MID1: variants seen among roughly 807,000 people sequenced by gnomAD.
MID1 encodes the protein midline 1, also known as E3 ubiquitin-protein ligase Midline-1.
Under a neutral mutation model 40.4 loss-of-function variants are expected in MID1, and 7 were observed. The observed-to-expected ratio is 0.17, with a 90% CI of 0.10 to 0.33. The LOEUF is 0.33. MID1 is among the 10% of genes least tolerant of loss of function. MID1 has a pLI of 1.00. For missense variants in MID1, 367 were observed against 558.5 expected, an observed-to-expected ratio of 0.66 and a Z score of 3.46; for synonymous variants, 229 against 221.2, an observed-to-expected ratio of 1.04 and a Z score of -0.31.
intron 1 of MID1, among the ~76,000 whole-genome samples, chrX:10,576,205 G>A (rs1395793712): frequency 2.7e-5 from 3 of 111,360 alleles, no homozygotes; most frequent in Non-Finnish European, 3.8e-5. Context: ...CCCACCTGGT[G>A]GAATTCATGC....
At chrX:10,568,813 C>A (rs1414985384) in intron 1 of MID1, among the ~76,000 whole-genome samples, 1 of 111,930 alleles carries the variant, frequency 8.9e-6, no homozygotes, top group Non-Finnish European at 1.9e-5. Context: ...GTGAAGAGGC[C>A]TCATGCTCAT....
chrX:10,495,395 T>C (rs549612728), intron 4 of MID1, among the ~76,000 whole-genome samples, 189 bp downstream of exon 4: 10 of 111,132 alleles, frequency 9.0e-5, no homozygotes, highest in Admixed American at 4.8e-4. Context: ...CAGGAGACCA[T>C]AGTACAAAGA....
At chrX:10,621,577 T>G (rs746630583), upstream of MID1, among the ~76,000 whole-genome samples, 5 of 111,129 alleles carry the variant, frequency 4.5e-5, no homozygotes, top group South Asian at 2.0e-3. Flanking sequence ...AATAAAGATT[T>G]TAAATGTGTT....
intron 7 of MID1, among the ~76,000 whole-genome samples, chrX:10,468,779 T>C (rs2048207051): frequency 8.9e-6 from 1 of 112,044 alleles, no homozygotes; most frequent in African/African-American, 3.2e-5. Flanking sequence ...TCAGGTAAGG[T>C]TGGAAATTCT....
chrX:10,613,167 T>G (rs1206685715), intron 1 of MID1, among the ~76,000 whole-genome samples: 1 of 111,623 alleles, frequency 9.0e-6, no homozygotes, highest in Non-Finnish European at 1.9e-5. Context: ...AGACCACTTC[T>G]AAATACACAC....
intron 1 of MID1, among the ~76,000 whole-genome samples, chrX:10,767,072 A>G (rs2043735789): frequency 9.0e-6 from 1 of 111,247 alleles, no homozygotes; most frequent in African/African-American, 3.3e-5. Context: ...CTAACCCATA[A>G]GGCTCCATGT....
chrX:10,721,051 G>C (rs1184069739), intron 1 of MID1, among the ~76,000 whole-genome samples: 1 of 106,772 alleles, frequency 9.4e-6, no homozygotes, highest in Non-Finnish European at 1.9e-5. Context: ...CCTGTTGTGG[G>C]GTGGGGGGAG....
At chrX:10,614,419 A>G (rs1370665780) in intron 1 of MID1, among the ~76,000 whole-genome samples, 1 of 112,127 alleles carries the variant, frequency 8.9e-6, no homozygotes, top group African/African-American at 3.2e-5. Flanking sequence ...CTGTCTGCCA[A>G]AGGCATGGCC....
In MID1 at chrX:10,519,942, AC is replaced by A. The variant is rs1455848022; in HGVS notation, c.756+3149del. Among the ~76,000 whole-genome samples the A allele has an allele frequency of 2.1e-4, 24 of 112,164 alleles. No individual in the cohort carries two copies. In the Admixed American group the frequency reaches 2.3e-3, roughly 11 times the overall value. On this transcript the variant is annotated intron_variant, in intron 3 of 9. Coordinates refer to ENST00000317552, the MANE Select transcript of MID1 (RefSeq NM_000381.4). ...AAACACAAAGTATTTTAAGCCTTCCACCAAAGCACCAGTATTTGCATAGTAG... is the reference window on the plus strand; with the variant it reads ...AAACACAAAGTATTTTAAGCCTTCCACAAAGCACCAGTATTTGCATAGTAG...
intron 1 of MID1, among the ~76,000 whole-genome samples, chrX:10,818,397 A>G (rs952676516): frequency 1.9e-4 from 22 of 112,832 alleles, no homozygotes; most frequent in African/African-American, 6.8e-4. Context: ...AAAGCTGTCA[A>G]TTATGAATTA....
intron 1 of MID1, among the ~76,000 whole-genome samples, chrX:10,799,714 A>C (rs1230975964): frequency 6.7e-5 from 7 of 105,249 alleles, no homozygotes; most frequent in Non-Finnish European, 1.3e-4. Flanking sequence ...GGATATTAAC[A>C]TGCAGTAGAC....
intron 1 of MID1, chrX:10,589,450 A>C (rs1308754501): frequency 9.0e-6 from 1 of 111,606 alleles, no homozygotes; most frequent in Non-Finnish European, 1.9e-5. Flanking sequence ...GGAGCGGGCA[A>C]GTTCCCAAGA....
At chrX:10,739,788 C>T (rs749997418) in intron 1 of MID1, among the ~76,000 whole-genome samples, 3 of 112,131 alleles carry the variant, frequency 2.7e-5, no homozygotes, top group South Asian at 3.7e-4. Flanking sequence ...AAAACCAATT[C>T]GAATTGAATG....
intron 1 of MID1, among the ~76,000 whole-genome samples, chrX:10,574,909 C>A (rs1934830229): frequency 8.9e-6 from 1 of 112,282 alleles, no homozygotes; most frequent in African/African-American, 3.2e-5. Flanking sequence ...TCCTCTAGTT[C>A]TTTTCCAAAT....
intron 8 of MID1, among the ~76,000 whole-genome samples, chrX:10,456,362 C>G: frequency 8.9e-6 from 1 of 112,351 alleles, no homozygotes; most frequent in Non-Finnish European, 1.9e-5. Context: ...CATGTGGTCT[C>G]TTTTGTGACT....
intron 1 of MID1, among the ~76,000 whole-genome samples, chrX:10,568,695 G>A (rs761159724): frequency 9.0e-6 from 1 of 110,874 alleles, no homozygotes; most frequent in Non-Finnish European, 1.9e-5. Flanking sequence ...TGGCCCAGCT[G>A]CCTGCTCCCC....
intron 1 of MID1, chrX:10,589,512 A>G (rs1010199073): frequency 1.8e-5 from 2 of 111,835 alleles, no homozygotes; most frequent in Non-Finnish European, 3.8e-5. Flanking sequence ...CAAAGTGCCG[A>G]TAAAGGCATG....
chrX:10,677,435 AC>A (rs904666189), intron 1 of MID1: 10 of 111,879 alleles, frequency 8.9e-5, no homozygotes, highest in African/African-American at 3.2e-4. Flanking sequence ...ATTCCCACTT[AC>A]CCCTCCAGTT....
chrX:10,462,511 C>G (rs188618585), intron 7 of MID1, among the ~76,000 whole-genome samples: 14 of 112,212 alleles, frequency 1.2e-4, no homozygotes, highest in Non-Finnish European at 7.5e-5. Flanking sequence ...CTGATTGAAA[C>G]TTCACTTTTC....
Sources: allele counts gnomAD v4.1 joint callset (sites outside exome capture counted in the v4.1 genomes callset), GRCh38; gene constraint gnomAD v4.1.1; transcripts MANE v1.5; gene names NCBI Gene and HGNC (gene_info 2026-07-23, HGNC 2026-07-21).